The following ADAMTS9 variants were observed in gnomAD, a reference collection of about 807,000 sequenced individuals.
ADAMTS9 encodes A disintegrin and metalloproteinase with thrombospondin motifs 9.
Under a neutral mutation model 257.1 loss-of-function variants are expected in ADAMTS9, and 107 were observed. The ratio of observed to expected loss-of-function variants is 0.42; its 90% CI spans 0.36 to 0.49. ADAMTS9 has a LOEUF of 0.49. Ranked by LOEUF, ADAMTS9 falls within the 20% of genes least tolerant of loss-of-function variation. The probability of loss-of-function intolerance (pLI) is 0.03; values close to 1 mark genes in which losing one functional copy is unlikely to be tolerated. For missense variants in ADAMTS9, 2,353 were observed against 2,469.1 expected (o/e 0.95, Z 1.00); for synonymous variants, 982 against 880.9 (o/e 1.11, Z -2.03).
intron 16 of ADAMTS9, among the ~76,000 whole-genome samples, chr3:64,628,756 C>A (rs541411548): frequency 6.6e-6 from 1 of 152,094 alleles, no homozygotes; most frequent in Non-Finnish European, 1.5e-5. Flanking sequence ...TCAAGCTAAC[C>A]CCATTCTCCA....
chr3:64,541,489 A>G (rs375591640), intron 34 of ADAMTS9, 37 bp downstream of exon 34: 179 of 1,608,830 alleles, frequency 1.1e-4, no homozygotes, highest in Non-Finnish European at 1.5e-4. Context: ...TCACTCTAAA[A>G]ACATTCTTGA....
intron 23 of ADAMTS9, among the ~76,000 whole-genome samples, chr3:64,605,254 T>C (rs1048134924): frequency 9.9e-5 from 15 of 152,186 alleles, no homozygotes; most frequent in African/African-American, 2.2e-4. Context: ...ATGGATATAA[T>C]AGAATAACTT....
intron 3 of ADAMTS9, among the ~76,000 whole-genome samples, chr3:64,671,930 G>A (rs1441076983): frequency 6.6e-6 from 1 of 152,212 alleles, no homozygotes; most frequent in Admixed American, 6.5e-5. Flanking sequence ...ATACAAAGGT[G>A]CAAATGTTAA....
At position 64,522,284 on chromosome 3, in the gene ADAMTS9, G is replaced by A. The variant is rs187502212; in HGVS notation, c.5719-24C>T. ...TCCTGCAAGGAGATGCATCATGTTA[G>A]CCTGCCTGCTTGGTTAATGCTTTCA... On this transcript the variant is annotated intron_variant, in intron 38 of 39. Coordinates refer to ENST00000498707, the MANE Select transcript of ADAMTS9 (RefSeq NM_182920.2). The A allele has an allele frequency of 5.7e-5, 91 of 1,608,392 alleles. No homozygotes were observed. The East Asian group carries it at 1.3e-3, about 23-fold the overall frequency.
rs1006737578 is a variant in ADAMTS9 at position 64,687,040 on chromosome 3, G to A, written c.116-72C>T. 4.6e-6 allele frequency: 7 copies of A among 1,523,112 alleles called. 1 individual carries two copies. The highest frequency in any genetic ancestry group is 6.2e-6 in the Non-Finnish European group (7 of 1,127,542). The allele number at this position is 1,523,112 out of a possible 1,614,324, so 94.3% of individuals were successfully genotyped here. A position where few individuals can be genotyped will look rare whatever the true frequency, so the allele number is the denominator to read the frequency against. ...TAAGCTTTAATTTAAAACGAAGGTGGGGACTTTGTTCTGACCTTATTTTCC... is the reference window on the plus strand; with the variant it reads ...TAAGCTTTAATTTAAAACGAAGGTGAGGACTTTGTTCTGACCTTATTTTCC... On this transcript the variant is annotated intron_variant, in intron 1 of 39. Coordinates refer to ENST00000498707, the MANE Select transcript of ADAMTS9 (RefSeq NM_182920.2). The surrounding 1 kb of genome is among the most constrained non-coding windows in gnomAD (Gnocchi z 4.4).
At chr3:64,642,717 G>C (rs185079127) in intron 11 of ADAMTS9, among the ~76,000 whole-genome samples, 7 of 152,348 alleles carry the variant, frequency 4.6e-5, no homozygotes, top group Middle Eastern at 3.4e-3. Flanking sequence ...CTGACACAAA[G>C]CCGAGGTCAC....
chr3:64,519,235 T>C (rs1469355319), intron 39 of ADAMTS9, among the ~76,000 whole-genome samples: 1 of 152,206 alleles, frequency 6.6e-6, no homozygotes, highest in Non-Finnish European at 1.5e-5. Flanking sequence ...GGGATGTATT[T>C]CTCAAAGGAT....
chr3:64,620,066 T>C (rs1700068299), intron 19 of ADAMTS9, among the ~76,000 whole-genome samples: 1 of 152,108 alleles, frequency 6.6e-6, no homozygotes, highest in Non-Finnish European at 1.5e-5. Flanking sequence ...GCAAGCCAAT[T>C]TCACTAGGGC....
intron 11 of ADAMTS9, among the ~76,000 whole-genome samples, chr3:64,642,564 T>C (rs1700677505): frequency 6.6e-6 from 1 of 152,184 alleles, no homozygotes; most frequent in Non-Finnish European, 1.5e-5. Flanking sequence ...TGTTTGTTAC[T>C]AGCGGTTTCA....
At position 64,605,237 on chromosome 3, in the gene ADAMTS9, T is replaced by C. The variant is rs143725984; in HGVS notation, c.3475-906A>G. On this transcript the variant is annotated intron_variant, in intron 23 of 39. Coordinates refer to ENST00000498707, the MANE Select transcript of ADAMTS9 (RefSeq NM_182920.2). Reference sequence around the variant, plus strand: ...TACTGCAATGGTGGGAGCCATCCCATAGTCAAATGGATATAATAGAATAAC... The same window carrying C: ...TACTGCAATGGTGGGAGCCATCCCACAGTCAAATGGATATAATAGAATAAC... 1.1e-3 allele frequency among the ~76,000 whole-genome samples: 173 copies of C among 152,306 alleles called. 1 individual carries two copies. The highest frequency in any genetic ancestry group is 1.9e-3 in the Non-Finnish European group (127 of 68,026).
At chr3:64,523,417 T>G (rs1216854289) in intron 38 of ADAMTS9, among the ~76,000 whole-genome samples, 1 of 152,146 alleles carries the variant, frequency 6.6e-6, no homozygotes, top group Non-Finnish European at 1.5e-5. Flanking sequence ...TGGAACAATT[T>G]GTGGAATAGT....
At position 64,687,323 on chromosome 3, in the gene ADAMTS9, C is replaced by T. The variant is rs1244076842; in HGVS notation, c.115+220G>A. On this transcript the variant is annotated intron_variant, in intron 1 of 39. Coordinates refer to ENST00000498707, the MANE Select transcript of ADAMTS9 (RefSeq NM_182920.2). The surrounding 1 kb of genome is among the most constrained non-coding windows in gnomAD (Gnocchi z 4.4). ...GGAGTGGGGATGGGGATATATCTGGCAACAGCAAGGTAGGGGGGGGTTGCC... is the reference window on the plus strand; with the variant it reads ...GGAGTGGGGATGGGGATATATCTGGTAACAGCAAGGTAGGGGGGGGTTGCC... Among the ~76,000 whole-genome samples, 7 of 152,196 alleles carry T rather than the reference C, an allele frequency of 4.6e-5. No homozygotes were observed.
chr3:64,596,687 A>T, intron 27 of ADAMTS9, 143 bp downstream of exon 27: 1 of 996,518 alleles, frequency 1.0e-6, no homozygotes, highest in Non-Finnish European at 1.5e-6. Flanking sequence ...TCCAGAATTT[A>T]AGAAGACAGG....
At chr3:64,556,756 C>CCTTCCTTCCTT (rs1450917262) in intron 30 of ADAMTS9, among the ~76,000 whole-genome samples, 9 of 60,370 alleles carry the variant, frequency 1.5e-4, no homozygotes, top group Admixed American at 3.0e-4. Context: ...CTTCCTTCCT[C>CCTTCCTTCCTT]CCTCCCTTTC....
intron 31 of ADAMTS9, among the ~76,000 whole-genome samples, chr3:64,547,237 G>A (rs996875533): frequency 6.6e-6 from 1 of 152,146 alleles, no homozygotes; most frequent in African/African-American, 2.4e-5. Flanking sequence ...GGAGGAGGAG[G>A]GGGAGGTGCT....
At chr3:64,629,814 T>C (rs1700323206) in intron 16 of ADAMTS9, among the ~76,000 whole-genome samples, 1 of 152,230 alleles carries the variant, frequency 6.6e-6, no homozygotes, top group Non-Finnish European at 1.5e-5. Flanking sequence ...TGAATAGTGA[T>C]AGCAAATGCC....
chr3:64,617,986 T>C (rs899551274), intron 19 of ADAMTS9, among the ~76,000 whole-genome samples: 2 of 152,210 alleles, frequency 1.3e-5, no homozygotes, highest in Non-Finnish European at 2.9e-5. Context: ...GTCAGTTTGA[T>C]AGATGCAAGA....
At chr3:64,545,575 A>T (rs551304145) in intron 32 of ADAMTS9, among the ~76,000 whole-genome samples, 2 of 152,008 alleles carry the variant, frequency 1.3e-5, no homozygotes, top group Non-Finnish European at 2.9e-5. Context: ...ACTTGGACAC[A>T]GGGTGGGGAA....
chr3:64,602,121 C>T lies in ADAMTS9; in HGVS notation c.3840G>A (p.Gln1280=). ...DHVIDRSECD[Q]DYIPETDQDC... ...CCTGGTCAGTTTCTGGGATATAATC[C>T]TGGTCACACTCACTCCGATCGATCA... is the stretch of plus-strand genomic sequence containing the variant. Residue 1280 remains glutamine (Q), a synonymous_variant, in exon 26 of 40, where the codon CAG becomes CAA. Transcript: ENST00000498707. 1 of 1,614,118 alleles carries T rather than the reference C, an allele frequency of 6.2e-7. No homozygotes were observed. The highest frequency in any genetic ancestry group is 1.7e-5 in the Admixed American group (1 of 60,020).
Sources: gnomAD v4.1 joint callset for allele counts (sites outside exome capture counted in the v4.1 genomes callset) on GRCh38, gnomAD v4.1.1 for gene constraint, Gnocchi (gnomAD v3.1) non-coding constraint, MANE v1.5 for transcripts, NCBI Gene and HGNC (gene_info 2026-07-23, HGNC 2026-07-21) for gene names.